Variants in AGPAT4 observed in about 807,000 individuals in gnomAD.
AGPAT4 encodes 1-acyl-sn-glycerol-3-phosphate acyltransferase delta.
Under a neutral mutation model 48.0 loss-of-function variants are expected in AGPAT4, and 15 were observed. The ratio of observed to expected loss-of-function variants is 0.31; its 90% confidence interval spans 0.21 to 0.48. The LOEUF is 0.48. Among genes scored for constraint, AGPAT4 ranks in the 20% least tolerant of loss-of-function variants. AGPAT4 has a pLI of 0.99. For missense variants in AGPAT4, 314 were observed against 482.5 expected, an observed-to-expected ratio of 0.65 and a Z score of 3.27; for synonymous variants, 178 against 198.7, an observed-to-expected ratio of 0.90 and a Z score of 0.88.
rs41267841 is a variant in AGPAT4, at chr6:161,132,494, C to T, written c.*4046G>A. The T allele has an allele frequency of 5.4e-3, 829 of 152,562 alleles. 5 individuals carry two copies. Among genetic ancestry groups the T allele is most frequent in the Non-Finnish European group, 9.6e-3 (657 of 68,198 alleles). The allele number at this position is 152,562 out of a possible 1,614,324, so 9.5% of individuals were successfully genotyped here. On this transcript the variant is annotated 3_prime_UTR_variant, in exon 9 of 9. Coordinates refer to ENST00000320285, the MANE Select transcript of AGPAT4 (RefSeq NM_020133.3). ...TGCCGCACTCAGCAGCCTGGAATGC[C>T]AGCTCTCATGCCCTCACCTAGAAAC...
chr6:161,209,126 A>G (rs1031556435), intron 2 of AGPAT4, among the ~76,000 whole-genome samples: 2 of 152,214 alleles, frequency 1.3e-5, no homozygotes, highest in Non-Finnish European at 1.5e-5. Flanking sequence ...TGGTGCTAGA[A>G]TGAGGCATTC....
rs1295472944 is a variant in AGPAT4 at position 161,146,064 on chromosome 6, AG to A, written c.843+459del. Among the ~76,000 whole-genome samples the A allele has an allele frequency of 2.6e-5, 4 of 151,776 alleles. No individual in the cohort carries two copies. The highest frequency in any genetic ancestry group is 7.3e-5 in the African/African-American group (3 of 41,070). ...ACTGGACCACAGACAGGAACAGGAC[AG>A]GGGGCACCACAGCAGGTTCGAACCC... On this transcript the variant is annotated intron_variant, in intron 7 of 8. Coordinates refer to ENST00000320285, the MANE Select transcript of AGPAT4 (RefSeq NM_020133.3). The surrounding 1 kb of genome is among the most constrained non-coding windows in gnomAD (Gnocchi z 7.1).
rs1779065300 is a variant in AGPAT4, at chr6:161,136,358, A to AGAT, written c.*179_*181dup. ...CCCACTAAAGCACATGGGGAAAAAA[A>AGAT]GATTACAAAACATCTTCCTCCCCAT... is the stretch of plus-strand genomic sequence containing the variant. On this transcript the variant is annotated 3_prime_UTR_variant, in exon 9 of 9. Transcript: ENST00000320285. 1 of 600,082 alleles carries AGAT rather than the reference A, an allele frequency of 1.7e-6. No homozygotes were observed. Among genetic ancestry groups the AGAT allele is most frequent in the East Asian group, 2.8e-5 (1 of 35,784 alleles). 37.2% of individuals were successfully genotyped at this position (600,082 alleles called of 1,614,324 possible).
rs142464279 is a variant in AGPAT4 at position 161,147,516 on chromosome 6, CACA to C, written c.768-920_768-918del. ...TAAGAAGATTTGAGAGTTTATCTAT[CACA>C]CTAGAGTCTGTTAAGAGATAAAGGA... is the stretch of plus-strand genomic sequence containing the variant. On this transcript the variant is annotated intron_variant, in intron 6 of 8. Transcript: ENST00000320285. This position sits in a 1 kb window ranked among gnomAD's most constrained non-coding sequence, Gnocchi z 4.8. Among the ~76,000 whole-genome samples the C allele has an allele frequency of 0.01, 1,556 of 152,282 alleles. 9 individuals carry two copies. The highest frequency in any genetic ancestry group is 0.018 in the African/African-American group (755 of 41,544).
Position 161,235,476 on chromosome 6 carries a change from G to A in AGPAT4, c.-89-3174C>T, listed in dbSNP as rs752590365. The stretch of plus-strand genomic sequence containing the variant: ...TCTGGAGGACAAATGTGTGACATAC[G>A]TCTTAAGTTCATTCCAGATAGACGT... On this transcript the variant is annotated intron_variant, in intron 1 of 8. Coordinates refer to ENST00000320285, the MANE Select transcript of AGPAT4 (RefSeq NM_020133.3). This position sits in a 1 kb window ranked among gnomAD's most constrained non-coding sequence, Gnocchi z 6.2. 6.6e-6 allele frequency among the ~76,000 whole-genome samples: 1 copy of A among 152,198 alleles called. No homozygotes were observed. The highest frequency in any genetic ancestry group is 1.5e-5 in the Non-Finnish European group (1 of 68,034).
chr6:161,213,410 C>G (rs1230703980), intron 2 of AGPAT4, among the ~76,000 whole-genome samples: 1 of 152,150 alleles, frequency 6.6e-6, no homozygotes, highest in Non-Finnish European at 1.5e-5. Context: ...TTGTTAGATT[C>G]TAGTTTTATC....
chr6:161,231,704 A>C lies in AGPAT4; in HGVS notation c.178+332T>G, dbSNP rs141596167. On this transcript the variant is annotated intron_variant, in intron 2 of 8. Transcript: ENST00000320285. This position sits in a 1 kb window ranked among gnomAD's most constrained non-coding sequence, Gnocchi z 5.3. ...AAGACGCACATGCATTTACAAGTAT[A>C]AGAGCTATATGTATACTATTTCTGT... Among the ~76,000 whole-genome samples the C allele has an allele frequency of 2.3e-4, 35 of 152,338 alleles. No homozygotes were observed. In the East Asian group the frequency reaches 5.0e-3, roughly 22 times the overall value.
Position 161,154,653 on chromosome 6 carries a change from C to T in AGPAT4, c.349-343G>A, listed in dbSNP as rs570841101. Among the ~76,000 whole-genome samples, 1 of 152,322 alleles carries T rather than the reference C, an allele frequency of 6.6e-6. No individual in the cohort carries two copies. The highest frequency in any genetic ancestry group is 1.9e-4 in the East Asian group (1 of 5,184). On this transcript the variant is annotated intron_variant, in intron 3 of 8. Transcript: ENST00000320285. The surrounding 1 kb of genome is among the most constrained non-coding windows in gnomAD (Gnocchi z 7.8). ...ATCCAAACGGTTTCTAGGTTATCAC[C>T]GTCACATACTCGCTAAGCCCACCGT...
intron 2 of AGPAT4, among the ~76,000 whole-genome samples, chr6:161,186,733 A>G (rs111569144): frequency 0.011 from 1,668 of 151,810 alleles, 37 homozygotes; most frequent in African/African-American, 0.037. Context: ...ACTTCTCCCC[A>G]CCGCACTTCC....
In AGPAT4 at chr6:161,206,719, G is replaced by C. The variant is rs1781387893; in HGVS notation, c.178+25317C>G. 1.3e-5 allele frequency among the ~76,000 whole-genome samples: 2 copies of C among 152,058 alleles called. No homozygotes were observed. Among genetic ancestry groups the C allele is most frequent in the Admixed American group, 1.3e-4 (2 of 15,278 alleles). On this transcript the variant is annotated intron_variant, in intron 2 of 8. Transcript: ENST00000320285. This position sits in a 1 kb window ranked among gnomAD's most constrained non-coding sequence, Gnocchi z 4.8. ...CACATGCCAACCCTGGGATGACACAGACATGGAAGATATTTAAGAAGAATT... is the reference window on the plus strand; with the variant it reads ...CACATGCCAACCCTGGGATGACACACACATGGAAGATATTTAAGAAGAATT...
At position 161,164,617 on chromosome 6, in the gene AGPAT4, G is replaced by A. The variant is rs769555933; in HGVS notation, c.348+1631C>T. ...AGCAGACTTAGGAGCTATTGTCCTC[G>A]GGCAAATCACTCAGCCAAACTGAGG... On this transcript the variant is annotated intron_variant, in intron 3 of 8. Coordinates refer to ENST00000320285, the MANE Select transcript of AGPAT4 (RefSeq NM_020133.3). The surrounding 1 kb of genome is among the most constrained non-coding windows in gnomAD (Gnocchi z 7.4). 2.6e-5 allele frequency among the ~76,000 whole-genome samples: 4 copies of A among 152,130 alleles called. No individual in the cohort carries two copies. The highest frequency in any genetic ancestry group is 5.9e-5 in the Non-Finnish European group (4 of 68,026).
chr6:161,210,016 C>T (rs1029058179), intron 2 of AGPAT4, among the ~76,000 whole-genome samples: 4 of 152,106 alleles, frequency 2.6e-5, no homozygotes, highest in South Asian at 2.1e-4. Flanking sequence ...CACTTAGGAA[C>T]GTCTCTGTTT....
chr6:161,217,782 C>T lies in AGPAT4; in HGVS notation c.178+14254G>A, dbSNP rs966034359. On this transcript the variant is annotated intron_variant, in intron 2 of 8. Transcript: ENST00000320285. This position sits in a 1 kb window ranked among gnomAD's most constrained non-coding sequence, Gnocchi z 4.9. ...CAGGGAGTCCAGCCAGAAACCTCCT[C>T]CCCTGACCCCGCCTGCCCAGGCCAC... 1.1e-4 allele frequency among the ~76,000 whole-genome samples: 17 copies of T among 152,326 alleles called. No homozygotes were observed. The highest frequency in any genetic ancestry group is 3.6e-4 in the African/African-American group (15 of 41,574).
chr6:161,145,114 G>A (rs943597102), intron 7 of AGPAT4, among the ~76,000 whole-genome samples: 1 of 151,602 alleles, frequency 6.6e-6, no homozygotes, highest in East Asian at 1.9e-4. Flanking sequence ...TTTCTCTGTC[G>A]GGGCACATAT....
rs754003591 is a variant in AGPAT4 at position 161,146,554 on chromosome 6, C to T, written c.813G>A (p.Ser271=). The part of the protein sequence containing the change: ...EDIPEDDDEC[S]AWLHKLYQEK... ...CCTGGTAGAGCTTGTGCAGCCAGGCCGAGCACTCGTCATCGTCTTCAGGGA... is the reference window on the plus strand; with the variant it reads ...CCTGGTAGAGCTTGTGCAGCCAGGCTGAGCACTCGTCATCGTCTTCAGGGA... Residue 271 remains serine, a synonymous_variant, in exon 7 of 9, where the codon TCG becomes TCA. Transcript: ENST00000320285. This position sits in a 1 kb window ranked among gnomAD's most constrained non-coding sequence, Gnocchi z 7.1. 3.5e-5 allele frequency: 57 copies of T among 1,613,914 alleles called. No individual in the cohort carries two copies. The highest frequency in any genetic ancestry group is 3.3e-4 in the Middle Eastern group (2 of 6,084).
rs1205119857 is a variant in AGPAT4, at chr6:161,246,578, T to A, written c.-89-14276A>T. On this transcript the variant is annotated intron_variant, in intron 1 of 8. Transcript: ENST00000320285. This position sits in a 1 kb window ranked among gnomAD's most constrained non-coding sequence, Gnocchi z 5.5. Reference sequence around the variant, plus strand: ...GCATGCGCCACCACGCCCAGCTAATTTTGTATTTTTAGTCTAGATGGGGTT... The same window carrying A: ...GCATGCGCCACCACGCCCAGCTAATATTGTATTTTTAGTCTAGATGGGGTT... 2.0e-5 allele frequency among the ~76,000 whole-genome samples: 3 copies of A among 152,088 alleles called. No homozygotes were observed. The highest frequency in any genetic ancestry group is 7.2e-5 in the African/African-American group (3 of 41,404).
rs913698084 is a variant in AGPAT4 at position 161,198,764 on chromosome 6, C to G, written c.179-32347G>C. Among the ~76,000 whole-genome samples the G allele has an allele frequency of 2.0e-5, 3 of 152,090 alleles. No individual in the cohort carries two copies. Among genetic ancestry groups the G allele is most frequent in the African/African-American group, 7.2e-5 (3 of 41,398 alleles). ...TATATGCAGTCTGTTTTTTCCTTTA[C>G]ACTGACGGAGTGCGTGAATGTTAAC... is the stretch of plus-strand genomic sequence containing the variant. On this transcript the variant is annotated intron_variant, in intron 2 of 8. Coordinates refer to ENST00000320285, the MANE Select transcript of AGPAT4 (RefSeq NM_020133.3). This position sits in a 1 kb window ranked among gnomAD's most constrained non-coding sequence, Gnocchi z 4.3.
chr6:161,199,879 C>T (rs1781178006), intron 2 of AGPAT4, among the ~76,000 whole-genome samples: 1 of 152,178 alleles, frequency 6.6e-6, no homozygotes, highest in South Asian at 2.1e-4. Context: ...ATTACCCAGT[C>T]TCAGGTAGCT....
rs1229447843 is a variant in AGPAT4, at chr6:161,146,023, A to C, written c.843+501T>G. On this transcript the variant is annotated intron_variant, in intron 7 of 8. Transcript: ENST00000320285. The surrounding 1 kb of genome is among the most constrained non-coding windows in gnomAD (Gnocchi z 7.1). ...TGCTCAGAGAAAGGACAGAACAAGT[A>C]GGGGGACCCTGGAGAACTGGACCAC... Among the ~76,000 whole-genome samples, 1 of 151,686 alleles carries C rather than the reference A, an allele frequency of 6.6e-6. No homozygotes were observed. The highest frequency in any genetic ancestry group is 1.5e-5 in the Non-Finnish European group (1 of 68,030).
Sources: allele counts gnomAD v4.1 joint callset (sites outside exome capture counted in the v4.1 genomes callset), GRCh38; gene constraint gnomAD v4.1.1; non-coding constraint Gnocchi (gnomAD v3.1); transcripts MANE v1.5; gene names NCBI Gene and HGNC (gene_info 2026-07-23, HGNC 2026-07-21).